NBEA: variants seen among roughly 807,000 people sequenced by gnomAD.
NBEA encodes the protein lysosomal-trafficking regulator 2.
Under a neutral mutation model 343.4 loss-of-function variants are expected in NBEA, and 44 were observed. The observed-to-expected ratio is 0.13, with a 90% CI of 0.10 to 0.16. The LOEUF is 0.16. Among genes scored for constraint, NBEA ranks in the 10% least tolerant of loss-of-function variants. NBEA has a pLI of 1.00. For synonymous variants in NBEA, 1,175 were observed against 1,238.7 expected (o/e 0.95, Z 1.08); for missense variants, 2,555 against 3,631.3 (o/e 0.70, Z 7.62).
chr13:35,052,393 C>T (rs2063095225), intron 6 of NBEA, among the ~76,000 whole-genome samples: 1 of 151,942 alleles, frequency 6.6e-6, no homozygotes, highest in South Asian at 2.1e-4. Flanking sequence ...AATATGTGCT[C>T]TAGACATATT....
At chr13:35,108,397 G>A (rs994234986) in intron 11 of NBEA, among the ~76,000 whole-genome samples, 2 of 151,784 alleles carry the variant, frequency 1.3e-5, no homozygotes, top group African/African-American at 4.8e-5. Flanking sequence ...TTCTAGTATA[G>A]CATTGTCCAA....
intron 8 of NBEA, among the ~76,000 whole-genome samples, chr13:35,062,204 G>A (rs1409840030): frequency 4.0e-5 from 6 of 151,584 alleles, no homozygotes; most frequent in Non-Finnish European, 8.9e-5. Flanking sequence ...AAGTCAGATG[G>A]CAATTCTAGA....
At chr13:35,522,563 G>A (rs190428726) in intron 41 of NBEA, among the ~76,000 whole-genome samples, 13 of 151,434 alleles carry the variant, frequency 8.6e-5, no homozygotes, top group African/African-American at 1.9e-4. Context: ...AAGGGTTGCC[G>A]GAGGTTAGAA....
intron 46 of NBEA, among the ~76,000 whole-genome samples, chr13:35,592,039 T>G (rs1244884853): frequency 1.3e-5 from 2 of 152,024 alleles, no homozygotes; most frequent in East Asian, 3.9e-4. Flanking sequence ...CCTTTTAAAC[T>G]TGGAAGCAAA....
intron 48 of NBEA, among the ~76,000 whole-genome samples, chr13:35,623,460 G>A (rs1325920396): frequency 1.3e-5 from 2 of 152,050 alleles, no homozygotes; most frequent in Admixed American, 1.3e-4. Flanking sequence ...TTTCTGCACA[G>A]TAAGTGGCAA....
At chr13:35,327,566 A>C (rs1385432610) in intron 36 of NBEA, among the ~76,000 whole-genome samples, 1 of 152,000 alleles carries the variant, frequency 6.6e-6, no homozygotes, top group Non-Finnish European at 1.5e-5. Context: ...TATAAGTGTG[A>C]GCTAAACGTT....
At chr13:35,100,965 T>C (rs2065617519) in intron 11 of NBEA, among the ~76,000 whole-genome samples, 2 of 152,002 alleles carry the variant, frequency 1.3e-5, no homozygotes, top group South Asian at 4.1e-4. Flanking sequence ...TATTTGTCTT[T>C]TTGTATTTGG....
At chr13:35,535,393 G>C (rs1490318848) in intron 41 of NBEA, among the ~76,000 whole-genome samples, 1 of 152,160 alleles carries the variant, frequency 6.6e-6, no homozygotes, top group Non-Finnish European at 1.5e-5. Context: ...TGGTAAATAA[G>C]AACAAATTCC....
intron 41 of NBEA, among the ~76,000 whole-genome samples, chr13:35,495,783 G>A (rs2076655281): frequency 6.6e-6 from 1 of 151,932 alleles, no homozygotes; most frequent in Admixed American, 6.6e-5. Flanking sequence ...AATTTAAAAG[G>A]ATTAAAATAA....
At chr13:35,255,516 G>A (rs2032486715) in intron 34 of NBEA, among the ~76,000 whole-genome samples, 1 of 152,254 alleles carries the variant, frequency 6.6e-6, no homozygotes, top group South Asian at 2.1e-4. Flanking sequence ...GACTGCTGCA[G>A]TGGGGTAAAA....
At chr13:35,023,203 A>G (rs553033724) in intron 1 of NBEA, among the ~76,000 whole-genome samples, 6 of 152,270 alleles carry the variant, frequency 3.9e-5, no homozygotes, top group Admixed American at 1.3e-4. Flanking sequence ...TTCTTATTGT[A>G]TATTAAAAGA....
At chr13:34,964,066 C>T (rs2059745506) in intron 1 of NBEA, among the ~76,000 whole-genome samples, 1 of 151,948 alleles carries the variant, frequency 6.6e-6, no homozygotes, top group African/African-American at 2.4e-5. Context: ...AATTAAGCTT[C>T]AGACACAGGC....
rs754817510 is a variant in NBEA, at chr13:35,651,257, G to T, written c.7964-548G>T. ...GCTTTTAGTGAGATTAAGATTTTAG[G>T]TGTGGCCCAATTTTTATACCTTCCA... On this transcript the variant is annotated intron_variant, in intron 52 of 58. Coordinates refer to ENST00000379939, the MANE Select transcript of NBEA (RefSeq NM_001385012.1). Among the ~76,000 whole-genome samples the T allele has an allele frequency of 2.0e-4, 31 of 152,088 alleles. 1 individual carries two copies. Among genetic ancestry groups the T allele is most frequent in the Admixed American group, 4.6e-4 (7 of 15,262 alleles).
chr13:35,647,860 C>T (rs976275369), intron 51 of NBEA, among the ~76,000 whole-genome samples: 8 of 151,960 alleles, frequency 5.3e-5, no homozygotes, highest in African/African-American at 1.2e-4. Flanking sequence ...TCACCACGCC[C>T]GACCTAAATG....
chr13:35,670,876 T>G (rs1464820948), intron 58 of NBEA, 25 bp from the exon 59 acceptor site: 1 of 1,508,402 alleles, frequency 6.6e-7, no homozygotes, highest in South Asian at 1.2e-5. Context: ...TATATCACTC[T>G]TAACTGCTGT....
At chr13:35,035,643 A>G (rs541826383) in intron 1 of NBEA, among the ~76,000 whole-genome samples, 4 of 152,004 alleles carry the variant, frequency 2.6e-5, no homozygotes, top group South Asian at 2.1e-4. Context: ...ATTGGAACCT[A>G]TATTTGTCTT....
chr13:35,333,184 A>G (rs1163319051), intron 36 of NBEA, among the ~76,000 whole-genome samples: 1 of 152,148 alleles, frequency 6.6e-6, no homozygotes, highest in Non-Finnish European at 1.5e-5. Flanking sequence ...GGGGGAAAAA[A>G]GATTTTAGAT....
rs544869948 is a variant in NBEA at position 35,161,390 on chromosome 13, T to C, written c.3862-360T>C. 3.3e-5 allele frequency among the ~76,000 whole-genome samples: 5 copies of C among 152,318 alleles called. No individual in the cohort carries two copies. In the South Asian group the frequency reaches 1.0e-3, roughly 32 times the overall value. On this transcript the variant is annotated intron_variant, in intron 22 of 58. Transcript: ENST00000379939. Reference sequence around the variant, plus strand: ...AGTTACAATTAGTTGATGACATATATCCAGTATACTTCACTGTGTATATGC... The same window carrying C: ...AGTTACAATTAGTTGATGACATATACCCAGTATACTTCACTGTGTATATGC...
At chr13:35,517,226 C>T (rs998165408) in intron 41 of NBEA, among the ~76,000 whole-genome samples, 11 of 152,156 alleles carry the variant, frequency 7.2e-5, no homozygotes, top group African/African-American at 2.7e-4. Flanking sequence ...CCGTCGGCCT[C>T]GCCCTCAATA....
Sources: allele counts gnomAD v4.1 joint callset (sites outside exome capture counted in the v4.1 genomes callset), GRCh38; gene constraint gnomAD v4.1.1; transcripts MANE v1.5; gene names NCBI Gene and HGNC (gene_info 2026-07-23, HGNC 2026-07-21).